The following MTHFD2L variants were observed in gnomAD, a reference collection of about 807,000 sequenced individuals.
The protein encoded by MTHFD2L is bifunctional methylenetetrahydrofolate dehydrogenase/cyclohydrolase 2, mitochondrial.
A neutral mutation model predicts 34.9 loss-of-function variants in MTHFD2L; 29 were observed. That is an observed-to-expected ratio of 0.83 (90% CI 0.62 to 1.13). The LOEUF (loss-of-function observed/expected upper bound fraction) is 1.13. MTHFD2L is among the 50% of genes most tolerant of loss of function. The pLI is 0.00. For synonymous variants in MTHFD2L, 167 were observed against 155.7 expected, an observed-to-expected ratio of 1.07 and a Z score of -0.54; for missense variants, 481 against 446.5, an observed-to-expected ratio of 1.08 and a Z score of -0.70.
intron 1 of MTHFD2L, chr4:74,143,575 A>T (rs938553390): frequency 3.2e-6 from 1 of 312,570 alleles, no homozygotes; most frequent in Non-Finnish European, 4.6e-6. Context: ...CTATTTTCCT[A>T]CTTTCCTTTT....
At chr4:74,213,563 A>T (rs573429237) in intron 5 of MTHFD2L, among the ~76,000 whole-genome samples, 1 of 152,104 alleles carries the variant, frequency 6.6e-6, no homozygotes, top group South Asian at 2.1e-4. Context: ...CTGCAGAGAG[A>T]TCTGTTGTTA....
chr4:74,158,193 C>T lies in MTHFD2L; in HGVS notation c.55C>T (p.Pro19Ser), dbSNP rs1724565055. 1 of 1,526,080 alleles carries T rather than the reference C, an allele frequency of 6.6e-7. No homozygotes were observed. The highest frequency in any genetic ancestry group is 1.2e-5 in the South Asian group (1 of 80,538). The allele number at this position is 1,526,080 out of a possible 1,614,324, so 94.5% of individuals were successfully genotyped here. A position where few individuals can be genotyped will look rare whatever the true frequency, so the allele number is the denominator to read the frequency against. ...GCTCCGCGGCCGCCTTGGCCGAGCG[C>T]CGGCGTTGGGCAGAAGCACAGCACC... The part of the protein sequence containing the change: ...SLLRGRLGRA[P>S]ALGRSTAPSV... Residue 19 changes from proline to serine, a missense_variant, in exon 1 of 8, where the codon CCG becomes TCG. By Grantham distance (74) the Pro-to-Ser change is moderately conservative. Transcript: ENST00000325278.
chr4:74,250,514 C>T (rs560881585), intron 6 of MTHFD2L, among the ~76,000 whole-genome samples: 1 of 152,186 alleles, frequency 6.6e-6, no homozygotes, highest in South Asian at 2.1e-4. Flanking sequence ...CTCACACCTA[C>T]TATACCACCT....
intron 1 of MTHFD2L, among the ~76,000 whole-genome samples, chr4:74,126,136 T>C (rs1158168005): frequency 1.3e-5 from 2 of 152,176 alleles, no homozygotes; most frequent in Non-Finnish European, 2.9e-5. Context: ...GTACTGTAAG[T>C]CCTCACTTAA....
chr4:74,203,365 T>A (rs1734767841), intron 5 of MTHFD2L, among the ~76,000 whole-genome samples: 1 of 152,226 alleles, frequency 6.6e-6, no homozygotes. Context: ...ATAGTGATTC[T>A]TATTTGCCTT....
rs564289232 is a variant in MTHFD2L, at chr4:74,143,116, G to C, written c.-296-16939G>C. ...CTGTCTATATATTACCAGCATTAAGGACCTCTTCAAATACAAAACAAAAAC... is the reference window on the plus strand; with the variant it reads ...CTGTCTATATATTACCAGCATTAAGCACCTCTTCAAATACAAAACAAAAAC... On this transcript the variant is annotated intron_variant, in intron 1 of 7. Transcript: ENST00000433372. 3.9e-5 allele frequency among the ~76,000 whole-genome samples: 6 copies of C among 152,104 alleles called. No homozygotes were observed. The East Asian group carries it at 9.7e-4, about 25-fold the overall frequency.
chr4:74,126,950 G>A (rs185409413), intron 1 of MTHFD2L, among the ~76,000 whole-genome samples: 1 of 152,068 alleles, frequency 6.6e-6, no homozygotes, highest in Non-Finnish European at 1.5e-5. Context: ...AATCATGGGG[G>A]CGATTTCCCC....
intron 1 of MTHFD2L, among the ~76,000 whole-genome samples, chr4:74,163,025 G>A (rs527401816): frequency 2.0e-5 from 3 of 152,262 alleles, no homozygotes; most frequent in Non-Finnish European, 2.9e-5. Context: ...ATAGAATTCA[G>A]AGGATCCATA....
At chr4:74,268,845 T>C (rs1401337982) in intron 6 of MTHFD2L, among the ~76,000 whole-genome samples, 1 of 152,186 alleles carries the variant, frequency 6.6e-6, no homozygotes, top group Non-Finnish European at 1.5e-5. Flanking sequence ...ACCTTCACAT[T>C]AGGGAAAGCT....
intron 6 of MTHFD2L, among the ~76,000 whole-genome samples, chr4:74,240,203 G>C (rs114783989): frequency 4.6e-5 from 7 of 152,180 alleles, no homozygotes; most frequent in East Asian, 1.9e-4. Context: ...GGGAAATGGC[G>C]TTAGTTTTAC....
chr4:74,225,034 G>A (rs991494354), intron 5 of MTHFD2L, among the ~76,000 whole-genome samples: 1 of 152,038 alleles, frequency 6.6e-6, no homozygotes, highest in Non-Finnish European at 1.5e-5. Flanking sequence ...TTCAAATTCT[G>A]TATTTCAGGG....
intron 2 of MTHFD2L, among the ~76,000 whole-genome samples, chr4:74,114,935 G>A (rs936640505): frequency 6.6e-6 from 1 of 152,076 alleles, no homozygotes; most frequent in Non-Finnish European, 1.5e-5. Context: ...GAGGTAACTG[G>A]GACTCAGAGA....
At chr4:74,188,791 G>C (rs2367544) in intron 3 of MTHFD2L, among the ~76,000 whole-genome samples, 1 of 136,342 alleles carries the variant, frequency 7.3e-6, no homozygotes, top group Non-Finnish European at 1.6e-5. Context: ...TATATATATG[G>C]GTATATATAT....
chr4:74,142,575 T>C (rs934387035), intron 1 of MTHFD2L, among the ~76,000 whole-genome samples: 1 of 152,260 alleles, frequency 6.6e-6, no homozygotes, highest in Admixed American at 6.5e-5. Flanking sequence ...CCACCCAGTC[T>C]GTCATAATTT....
intron 2 of MTHFD2L, among the ~76,000 whole-genome samples, chr4:74,118,164 A>G (rs1721688052): frequency 6.6e-6 from 1 of 152,198 alleles, no homozygotes; most frequent in African/African-American, 2.4e-5. Flanking sequence ...CAAATAATTA[A>G]GCTTAGTAAA....
At chr4:74,291,751 A>C (rs1414671264) in intron 7 of MTHFD2L, among the ~76,000 whole-genome samples, 1 of 152,214 alleles carries the variant, frequency 6.6e-6, no homozygotes, top group East Asian at 1.9e-4. Flanking sequence ...GTATATAATC[A>C]GTTTCTAAGT....
intron 1 of MTHFD2L, among the ~76,000 whole-genome samples, chr4:74,146,852 C>G (rs1362421568): frequency 6.6e-6 from 1 of 151,930 alleles, no homozygotes; most frequent in Non-Finnish European, 1.5e-5. Flanking sequence ...TCTTTTTCCT[C>G]CTCTGACTGT....
At chr4:74,298,526 C>T (rs1274358674) in intron 7 of MTHFD2L, among the ~76,000 whole-genome samples, 1 of 151,964 alleles carries the variant, frequency 6.6e-6, no homozygotes, top group Non-Finnish European at 1.5e-5. Context: ...CAATAGTAAG[C>T]ATGTTGTCTG....
intron 6 of MTHFD2L, among the ~76,000 whole-genome samples, chr4:74,261,149 T>C (rs926030183): frequency 9.9e-5 from 15 of 152,046 alleles, no homozygotes; most frequent in Non-Finnish European, 2.1e-4. Context: ...TGCAACAAGT[T>C]GACAGACATG....
Sources: gnomAD v4.1 joint callset for allele counts (sites outside exome capture counted in the v4.1 genomes callset) on GRCh38, gnomAD v4.1.1 for gene constraint, MANE v1.5 for transcripts, NCBI Gene and HGNC (gene_info 2026-07-23, HGNC 2026-07-21) for gene names.